NRG1: variants seen among roughly 807,000 people sequenced by gnomAD.
NRG1 encodes neuregulin 1.
NRG1 carries 18 observed loss-of-function variants against 63.8 expected under a neutral mutation model. The observed-to-expected ratio is 0.28, with a 90% CI of 0.19 to 0.42. NRG1 has a LOEUF of 0.42. NRG1 is among the 10% of genes least tolerant of loss of function. The pLI is 1.00. For synonymous variants in NRG1, 302 were observed against 301.3 expected (o/e 1.00, Z -0.02); for missense variants, 762 against 814.7 (o/e 0.94, Z 0.79).
chr8:32,219,676 A>G (rs1845608542), intron 1 of NRG1, among the ~76,000 whole-genome samples: 1 of 152,250 alleles, frequency 6.6e-6, no homozygotes, highest in African/African-American at 2.4e-5. Context: ...TCTTAAAGAA[A>G]CAGTGAGTAA....
intron 1 of NRG1, among the ~76,000 whole-genome samples, chr8:32,370,857 C>CAAAAAAAAAAAAAA (rs570354347): frequency 1.9e-5 from 1 of 52,052 alleles, no homozygotes; most frequent in Non-Finnish European, 3.2e-5. Context: ...GACTCTGTCT[C>CAAAAAAAAAAAAAA]AAAAAAAAAA....
intron 1 of NRG1, among the ~76,000 whole-genome samples, chr8:32,556,642 C>A (rs2129525871): frequency 6.6e-6 from 1 of 152,268 alleles, no homozygotes; most frequent in Non-Finnish European, 1.5e-5. Context: ...TCAATGCAAG[C>A]TTTTTAGTAG....
chr8:32,320,508 G>A (rs531489749), intron 1 of NRG1, among the ~76,000 whole-genome samples: 1 of 152,198 alleles, frequency 6.6e-6, no homozygotes, highest in Non-Finnish European at 1.5e-5. Flanking sequence ...ATGGCAGAAG[G>A]TGAAGAGGAA....
chr8:32,653,500 A>C (rs1350476048), intron 5 of NRG1, among the ~76,000 whole-genome samples: 2 of 152,212 alleles, frequency 1.3e-5, no homozygotes, highest in African/African-American at 4.8e-5. Flanking sequence ...CAACAGGCTG[A>C]GTAGCCAGGG....
chr8:31,741,756 A>G (rs1331837052), intron 1 of NRG1, among the ~76,000 whole-genome samples: 2 of 152,022 alleles, frequency 1.3e-5, no homozygotes, highest in South Asian at 4.1e-4. Flanking sequence ...TTTGGGGTAT[A>G]CAATTGCTTT....
At chr8:32,773,793 C>T (rs1315587625) in intron 7 of NRG1, among the ~76,000 whole-genome samples, 1 of 152,130 alleles carries the variant, frequency 6.6e-6, no homozygotes, top group African/African-American at 2.4e-5. Context: ...TCCATGGCTC[C>T]CCACCTGACA....
chr8:32,654,544 G>A (rs370671070), intron 5 of NRG1, among the ~76,000 whole-genome samples: 2 of 149,140 alleles, frequency 1.3e-5, no homozygotes, highest in African/African-American at 2.5e-5. Flanking sequence ...AAGGAGAATC[G>A]CTTCAACCTG....
intron 4 of NRG1, 41 bp downstream of exon 4, chr8:32,614,605 A>G: frequency 1.3e-6 from 2 of 1,584,516 alleles, no homozygotes; most frequent in Non-Finnish European, 1.7e-6. Flanking sequence ...AACCAGAATG[A>G]CAACCATAAC....
chr8:31,673,745 A>C (rs1807392749), intron 1 of NRG1, among the ~76,000 whole-genome samples: 1 of 152,158 alleles, frequency 6.6e-6, no homozygotes, highest in Non-Finnish European at 1.5e-5. Flanking sequence ...TACTCTATAA[A>C]TATCTTAATT....
chr8:31,650,486 A>G (rs1804727019), intron 1 of NRG1, among the ~76,000 whole-genome samples: 1 of 152,012 alleles, frequency 6.6e-6, no homozygotes. Flanking sequence ...TACATATGCC[A>G]TTTCCTCTGC....
At chr8:32,543,875 T>C (rs1169414347), upstream of NRG1, among the ~76,000 whole-genome samples, 1 of 152,188 alleles carries the variant, frequency 6.6e-6, no homozygotes, top group Non-Finnish European at 1.5e-5. Context: ...CTTCTAGTTT[T>C]GCCAGAGTGT....
intron 1 of NRG1, among the ~76,000 whole-genome samples, chr8:31,712,776 TTCATGCCTTAGGTATA>T (rs2131262982): frequency 6.6e-6 from 1 of 152,302 alleles, no homozygotes; most frequent in African/African-American, 2.4e-5. Context: ...GAATTGGGTC[TTCATGCCTTAGGTATA>T]TTAGCAGAGG....
intron 1 of NRG1, among the ~76,000 whole-genome samples, chr8:32,339,560 A>G (rs1167244888): frequency 1.3e-5 from 2 of 152,232 alleles, no homozygotes; most frequent in Non-Finnish European, 2.9e-5. Context: ...AGGAATGATC[A>G]TAGTTACAAC....
intron 1 of NRG1, among the ~76,000 whole-genome samples, chr8:32,369,600 A>C (rs1220112948): frequency 6.6e-6 from 1 of 152,214 alleles, no homozygotes; most frequent in Non-Finnish European, 1.5e-5. Flanking sequence ...TCAAGAGAGC[A>C]GTGTCCAGGT....
intron 5 of NRG1, among the ~76,000 whole-genome samples, chr8:32,678,540 C>T (rs1486723796): frequency 1.3e-5 from 2 of 151,958 alleles, no homozygotes; most frequent in African/African-American, 2.4e-5. Flanking sequence ...AACTGCTCAT[C>T]GCTAGTATTA....
chr8:32,085,050 G>A (rs142356593), intron 1 of NRG1, among the ~76,000 whole-genome samples: 1 of 152,308 alleles, frequency 6.6e-6, no homozygotes, highest in African/African-American at 2.4e-5. Flanking sequence ...CGTAACTGCT[G>A]GGCTGCTCTG....
chr8:32,056,987 A>G (rs1224035466), intron 1 of NRG1, among the ~76,000 whole-genome samples: 1 of 152,154 alleles, frequency 6.6e-6, no homozygotes, highest in African/African-American at 2.4e-5. Flanking sequence ...GTATTTGTGA[A>G]TTGGCTCCAG....
chr8:32,112,362 C>T (rs1832143255), intron 1 of NRG1, among the ~76,000 whole-genome samples: 1 of 152,168 alleles, frequency 6.6e-6, no homozygotes, highest in Non-Finnish European at 1.5e-5. Context: ...AGCCGTGAGG[C>T]TGGACAAAGG....
intron 1 of NRG1, among the ~76,000 whole-genome samples, chr8:32,593,806 A>T (rs1842901995): frequency 6.6e-6 from 1 of 151,812 alleles, no homozygotes; most frequent in Non-Finnish European, 1.5e-5. Flanking sequence ...ACCACATTTT[A>T]AAAAGACTTC....
Sources: gnomAD v4.1 joint callset for allele counts (sites outside exome capture counted in the v4.1 genomes callset) on GRCh38, gnomAD v4.1.1 for gene constraint, MANE v1.5 for transcripts, NCBI Gene and HGNC (gene_info 2026-07-23, HGNC 2026-07-21) for gene names.